CSMD1: variants seen among roughly 807,000 people sequenced by gnomAD.
CSMD1 encodes CUB and sushi domain-containing protein 1.
Under a neutral mutation model 417.5 loss-of-function variants are expected in CSMD1, and 213 were observed. The ratio of observed to expected loss-of-function variants is 0.51; its 90% CI spans 0.46 to 0.57. CSMD1 has a LOEUF of 0.57. CSMD1 is among the 20% of genes least tolerant of loss of function. CSMD1 has a pLI of 0.00. For missense variants in CSMD1, 6,923 were observed against 4,529.7 expected (o/e 1.53, Z -15.17); for synonymous variants, 2,862 against 1,736.8 (o/e 1.65, Z -16.11).
At chr8:3,497,840 G>C (rs564142612) in intron 10 of CSMD1, among the ~76,000 whole-genome samples, 2 of 152,168 alleles carry the variant, frequency 1.3e-5, no homozygotes, top group South Asian at 2.1e-4. Flanking sequence ...GTGGTTTTCT[G>C]TAGTGATATG....
intron 5 of CSMD1, among the ~76,000 whole-genome samples, chr8:3,899,000 A>T (rs1270984415): frequency 1.3e-5 from 2 of 152,218 alleles, no homozygotes; most frequent in Non-Finnish European, 2.9e-5. Flanking sequence ...CAGTGCTAAA[A>T]TATGTGCTAG....
chr8:4,425,769 G>C (rs1278999883), intron 2 of CSMD1, among the ~76,000 whole-genome samples: 1 of 152,138 alleles, frequency 6.6e-6, no homozygotes, highest in African/African-American at 2.4e-5. Flanking sequence ...AATCCACACA[G>C]GTGTCTTGCA....
In CSMD1 at chr8:3,419,865, T is replaced by C. The variant is rs73657892; in HGVS notation, c.1562-10260A>G. On this transcript the variant is annotated intron_variant, in intron 12 of 69. Coordinates refer to ENST00000635120, the MANE Select transcript of CSMD1 (RefSeq NM_033225.6). The stretch of plus-strand genomic sequence containing the variant: ...TCTGGAAGCAGGATAGCAAAGTGAG[T>C]AGAAATATAGACTCTTGGAATAGAT... 3.9e-3 allele frequency among the ~76,000 whole-genome samples: 593 copies of C among 152,204 alleles called. 3 individuals carry two copies. Among genetic ancestry groups the C allele is most frequent in the African/African-American group, 0.013 (548 of 41,524 alleles).
chr8:4,155,696 C>T (rs767358747), intron 3 of CSMD1, among the ~76,000 whole-genome samples: 6 of 152,106 alleles, frequency 3.9e-5, no homozygotes, highest in Non-Finnish European at 7.4e-5. Flanking sequence ...TTCTAATCAA[C>T]AGTGTTCTAC....
intron 1 of CSMD1, among the ~76,000 whole-genome samples, chr8:4,921,869 G>C (rs1171230904): frequency 6.6e-6 from 1 of 152,200 alleles, no homozygotes; most frequent in Non-Finnish European, 1.5e-5. Context: ...AAACCCAAGA[G>C]TGACTGTATT....
chr8:4,216,198 C>T (rs79107189), intron 3 of CSMD1, among the ~76,000 whole-genome samples: 226 of 152,266 alleles, frequency 1.5e-3, no homozygotes, highest in Non-Finnish European at 2.5e-3. Context: ...GTCAACATTG[C>T]GATGGCCTTC....
At chr8:3,955,311 T>A (rs959968074) in intron 5 of CSMD1, among the ~76,000 whole-genome samples, 1 of 152,198 alleles carries the variant, frequency 6.6e-6, no homozygotes, top group Admixed American at 6.5e-5. Context: ...ACATCCAGTG[T>A]GTTCTTGGTG....
chr8:3,605,858 T>C (rs954419797), intron 8 of CSMD1, among the ~76,000 whole-genome samples: 3 of 152,232 alleles, frequency 2.0e-5, no homozygotes, highest in Non-Finnish European at 4.4e-5. Context: ...TATTCTCTGA[T>C]GAGCAGTGCT....
intron 3 of CSMD1, among the ~76,000 whole-genome samples, chr8:4,304,340 T>A (rs1471636197): frequency 6.6e-6 from 1 of 152,188 alleles, no homozygotes; most frequent in African/African-American, 2.4e-5. Context: ...CAAACTGATG[T>A]CTTAGATACA....
At chr8:3,753,825 C>T in intron 6 of CSMD1, 105 bp downstream of exon 6, 2 of 695,946 alleles carry the variant, frequency 2.9e-6, no homozygotes, top group Non-Finnish European at 4.7e-6. Flanking sequence ...GAATTAGAAA[C>T]CATTTTCAAG....
At chr8:3,751,842 C>T (rs550423103) in intron 6 of CSMD1, among the ~76,000 whole-genome samples, 1 of 152,178 alleles carries the variant, frequency 6.6e-6, no homozygotes, top group African/African-American at 2.4e-5. Context: ...CTTTAATTCA[C>T]TGTTGTTCAG....
chr8:4,570,417 G>T (rs976492318), intron 2 of CSMD1, among the ~76,000 whole-genome samples: 3 of 152,170 alleles, frequency 2.0e-5, no homozygotes, highest in African/African-American at 7.2e-5. Flanking sequence ...CACTGGTTCT[G>T]TTTATGTGAT....
chr8:4,448,931 C>T (rs1386962188), intron 2 of CSMD1, among the ~76,000 whole-genome samples: 1 of 152,116 alleles, frequency 6.6e-6, no homozygotes, highest in Admixed American at 6.5e-5. Flanking sequence ...TCAAAATTTC[C>T]AGATAAATTA....
chr8:4,224,903 A>T (rs1328525630), intron 3 of CSMD1, among the ~76,000 whole-genome samples: 1 of 14,224 alleles, frequency 7.0e-5, no homozygotes, highest in Non-Finnish European at 2.2e-4. Context: ...TGAGGTCAGG[A>T]GTCCAAAGGC....
At chr8:4,369,074 T>C (rs1025898887) in intron 3 of CSMD1, among the ~76,000 whole-genome samples, 4 of 152,132 alleles carry the variant, frequency 2.6e-5, no homozygotes, top group African/African-American at 7.2e-5. Context: ...CTTCTTGATA[T>C]AGACATTAAG....
intron 22 of CSMD1, among the ~76,000 whole-genome samples, chr8:3,346,266 T>C (rs750803934): frequency 4.6e-5 from 7 of 152,196 alleles, no homozygotes; most frequent in Non-Finnish European, 1.0e-4. Flanking sequence ...CAAATGAACA[T>C]AATTTCCTTC....
At chr8:3,952,626 T>C (rs1364150912) in intron 5 of CSMD1, among the ~76,000 whole-genome samples, 2 of 152,164 alleles carry the variant, frequency 1.3e-5, no homozygotes, top group Admixed American at 6.5e-5. Flanking sequence ...AATTCCTTAA[T>C]GGGTAGAGCT....
chr8:3,262,881 G>C (rs1231849194), intron 26 of CSMD1, among the ~76,000 whole-genome samples: 1 of 152,054 alleles, frequency 6.6e-6, no homozygotes, highest in African/African-American at 2.4e-5. Flanking sequence ...CTTTTATTTT[G>C]TACAAGAGGG....
intron 1 of CSMD1, among the ~76,000 whole-genome samples, chr8:4,719,606 A>T (rs1449876362): frequency 6.6e-6 from 1 of 152,030 alleles, no homozygotes; most frequent in Non-Finnish European, 1.5e-5. Context: ...TGGGATGGTA[A>T]GGTCAATAAA....
Sources: allele counts gnomAD v4.1 joint callset (sites outside exome capture counted in the v4.1 genomes callset), GRCh38; gene constraint gnomAD v4.1.1; transcripts MANE v1.5; gene names NCBI Gene and HGNC (gene_info 2026-07-23, HGNC 2026-07-21).